The following ADAMTS10 variants were observed in gnomAD, a reference collection of about 807,000 sequenced individuals.
ADAMTS10 encodes A disintegrin and metalloproteinase with thrombospondin motifs 10.
Under a neutral mutation model 135.9 loss-of-function variants are expected in ADAMTS10, and 48 were observed. The ratio of observed to expected loss-of-function variants is 0.35; its 90% confidence interval spans 0.28 to 0.45. The LOEUF (loss-of-function observed/expected upper bound fraction) is 0.45. Among genes scored for constraint, ADAMTS10 ranks in the 20% least tolerant of loss-of-function variants. The pLI, the probability that ADAMTS10 is intolerant of heterozygous loss-of-function variation, is 1.00. For synonymous variants in ADAMTS10, 621 were observed against 647.5 expected, an observed-to-expected ratio of 0.96 and a Z score of 0.62; for missense variants, 1,131 against 1,565.2, an observed-to-expected ratio of 0.72 and a Z score of 4.68.
chr19:8,608,689 G>C (rs1213082085), intron 1 of ADAMTS10, among the ~76,000 whole-genome samples: 4 of 151,934 alleles, frequency 2.6e-5, no homozygotes, highest in Non-Finnish European at 4.4e-5. Flanking sequence ...CTCTGGTCTT[G>C]TCTAGAGTGT....
chr19:8,600,487 TTTTC>T (rs1282836187), intron 6 of ADAMTS10, among the ~76,000 whole-genome samples: 12 of 144,360 alleles, frequency 8.3e-5, no homozygotes, highest in South Asian at 2.2e-4. Context: ...CTGTCTTTTC[TTTTC>T]TTTCTTTTCT....
Position 8,603,789 on chromosome 19 carries a change from A to T in ADAMTS10, c.531T>A (p.His177Gln). The change falls in exon 5 of 26, where the codon CAT becomes CAA. Residue 177 changes from histidine to glutamine, a missense_variant. This residue lies in a region of ADAMTS10 where 306 missense variants were observed against 344.4 expected (regional missense o/e 0.89). Transcript: ENST00000597188. Reference sequence around the variant, plus strand: ...GCAGAGAGGAACGCTTGTACACCACATGTGGTCCACTTTCCTCCGGGCTCC... The same window carrying T: ...GCAGAGAGGAACGCTTGTACACCACTTGTGGTCCACTTTCCTCCGGGCTCC... Reference protein sequence around the residue: ...GSRSPEESGPHVVYKRSSLRH... With the variant: ...GSRSPEESGPQVVYKRSSLRH... The T allele has an allele frequency of 6.2e-7, 1 of 1,614,040 alleles. No homozygotes were observed. Among genetic ancestry groups the T allele is most frequent in the Non-Finnish European group, 8.5e-7 (1 of 1,179,992 alleles).
Position 8,605,702 on chromosome 19 carries a change from G to A in ADAMTS10, c.9C>T (p.Pro3=), listed in dbSNP as rs533319131. 91 of 1,608,924 alleles carry A rather than the reference G, an allele frequency of 5.7e-5. No homozygotes were observed. Among genetic ancestry groups the A allele is most frequent in the Admixed American group, 3.0e-4 (18 of 59,644 alleles). ...GGGCCCAGCGGAGGATCTGGCAGGC[G>A]GGAGCCATAGAGGCCACGTGTCCAC... MA[P]ACQILRWALA... Residue 3 remains proline, a synonymous_variant, in exon 3 of 26, where the codon CCC becomes CCT. Transcript: ENST00000597188. This position sits in a 1 kb window ranked among gnomAD's most constrained non-coding sequence, Gnocchi z 7.7.
At position 8,605,022 on chromosome 19, in the gene ADAMTS10, C is replaced by T. The variant is rs1555742203; in HGVS notation, c.425G>A (p.Cys142Tyr). 2 of 1,605,870 alleles carry T rather than the reference C, an allele frequency of 1.2e-6. No homozygotes were observed. Among genetic ancestry groups the T allele is most frequent in the South Asian group, 1.1e-5 (1 of 89,970 alleles). Residue 142 changes from cysteine to tyrosine, a missense_variant, in exon 4 of 26, where the codon TGT becomes TAT. Coordinates refer to ENST00000597188, the MANE Select transcript of ADAMTS10 (RefSeq NM_030957.4). The surrounding 1 kb of genome is among the most constrained non-coding windows in gnomAD (Gnocchi z 7.7). ...ASSSHVAIST[C>Y]GGLHGLIVAD... Reference sequence around the variant, plus strand: ...GAATCCTCAGCTCACCAGGCCTCCACAGGTGCTGATGGCCACATGGGAGCT... The same window carrying T: ...GAATCCTCAGCTCACCAGGCCTCCATAGGTGCTGATGGCCACATGGGAGCT...
At chr19:8,592,962 C>T in intron 12 of ADAMTS10, 92 bp from the exon 13 acceptor site, 1 of 1,198,604 alleles carries the variant, frequency 8.3e-7, no homozygotes, top group Non-Finnish European at 1.2e-6. Flanking sequence ...GTCCGGCTCA[C>T]TGCCGGTCCC....
rs1555737379 is a variant in ADAMTS10 at position 8,586,805 on chromosome 19, C to T, written c.2239+11G>A. 2 of 1,614,128 alleles carry T rather than the reference C, an allele frequency of 1.2e-6. No individual in the cohort carries two copies. Among genetic ancestry groups the T allele is most frequent in the South Asian group, 1.1e-5 (1 of 91,074 alleles). On this transcript the variant is annotated intron_variant, in intron 19 of 25. Transcript: ENST00000597188. ...CCCCTAATCCTCATCCCCTCCCCAC[C>T]ATCTGCTCACCCAAGTGACTGAGAG...
intron 16 of ADAMTS10, 44 bp downstream of exon 16, chr19:8,589,845 G>GGCTGCCCTTCACGGCCCCACA: frequency 6.3e-7 from 1 of 1,576,456 alleles, no homozygotes; most frequent in Non-Finnish European, 8.7e-7. Context: ...ACACTCCCAC[G>GGCTGCCCTTCACGGCCCCACA]GCTGCCCTTC....
At chr19:8,602,113 C>T (rs1157522768) in intron 5 of ADAMTS10, among the ~76,000 whole-genome samples, 1 of 152,146 alleles carries the variant, frequency 6.6e-6, no homozygotes, top group African/African-American at 2.4e-5. Context: ...GTTCTAACTG[C>T]ATTGCAGTTA....
At position 8,589,498 on chromosome 19, in the gene ADAMTS10, G is replaced by T; in HGVS notation, c.1988C>A (p.Pro663His). The change falls in exon 17 of 26, where the codon CCC becomes CAC. Residue 663 changes from proline to histidine, a missense_variant. Physicochemically the swap from Pro to His is moderately conservative, Grantham distance 77 (BLOSUM62 -2). Transcript: ENST00000597188. ...ERAAAVVDGT[P>H]CRPDTVDICV... ...AATGTCCACCGTGTCTGGACGGCAG[G>T]GTGTCCCGTCCACCACGGCTGCCGC... 1 of 1,613,748 alleles carries T rather than the reference G, an allele frequency of 6.2e-7. No homozygotes were observed.
Position 8,605,400 on chromosome 19 carries a change from A to G in ADAMTS10, c.89-42T>C. ...GAGGCCTGGGGTGGGCCCTGGTCTT[A>G]TTGGACCCCTGTGTCCTGGCTGTTA... On this transcript the variant is annotated intron_variant, in intron 3 of 25. Coordinates refer to ENST00000597188, the MANE Select transcript of ADAMTS10 (RefSeq NM_030957.4). This position sits in a 1 kb window ranked among gnomAD's most constrained non-coding sequence, Gnocchi z 7.7. The G allele has an allele frequency of 6.5e-7, 1 of 1,544,062 alleles. No homozygotes were observed. The highest frequency in any genetic ancestry group is 8.8e-7 in the Non-Finnish European group (1 of 1,138,352).
intron 12 of ADAMTS10, chr19:8,593,283 G>C (rs1326862454): frequency 4.4e-6 from 1 of 229,090 alleles, no homozygotes; most frequent in Admixed American, 5.1e-5. Flanking sequence ...GGAAACGTGG[G>C]AACTGCTGAG....
chr19:8,591,683 G>A (rs1253005194), intron 15 of ADAMTS10, 117 bp downstream of exon 15: 55 of 1,218,910 alleles, frequency 4.5e-5, no homozygotes, highest in Non-Finnish European at 6.0e-5. Context: ...CTCGTGATCC[G>A]CCTGCCTTGG....
At position 8,586,266 on chromosome 19, in the gene ADAMTS10, G is replaced by A. The variant is rs782361251; in HGVS notation, c.2531-15C>T. On this transcript the variant is annotated splice_polypyrimidine_tract_variant and intron_variant, in intron 21 of 25. Transcript: ENST00000597188. ...CACCTGGCTACCTGGAGGGGAGGGT[G>A]AGAGGCCTGCTCAGCCCCTCCCGGC... 6 of 1,613,152 alleles carry A rather than the reference G, an allele frequency of 3.7e-6. No individual in the cohort carries two copies. In the Admixed American group the frequency reaches 1.0e-4, roughly 27 times the overall value.
At chr19:8,593,498 G>A (rs2042568328) in intron 12 of ADAMTS10, 1 of 154,740 alleles carries the variant, frequency 6.5e-6, no homozygotes, top group African/African-American at 2.4e-5. Context: ...GTGGGAGTTT[G>A]GGAGGGGACA....
chr19:8,591,711 A>C (rs1555738923), intron 15 of ADAMTS10, 89 bp downstream of exon 15: 1 of 1,508,780 alleles, frequency 6.6e-7, no homozygotes, highest in Non-Finnish European at 9.1e-7. Context: ...AAGTGTTGGG[A>C]TTACAGGCGT....
At chr19:8,610,422 GACACAC>G (rs111492620) in intron 1 of ADAMTS10, among the ~76,000 whole-genome samples, 1 of 145,620 alleles carries the variant, frequency 6.9e-6, no homozygotes, top group African/African-American at 2.6e-5. Context: ...TACGTGGACG[GACACAC>G]ACACACACAC....
Position 8,580,718 on chromosome 19 carries a change from C to G in ADAMTS10, c.*175G>C. The stretch of plus-strand genomic sequence containing the variant: ...TGAAGAGGGGCTCTGGGGGGATAGC[C>G]AGCCCCTCTCCATCCCCCCAGCCAG... On this transcript the variant is annotated 3_prime_UTR_variant, in exon 26 of 26. Transcript: ENST00000597188. 1 of 601,316 alleles carries G rather than the reference C, an allele frequency of 1.7e-6. No homozygotes were observed. Among genetic ancestry groups the G allele is most frequent in the Non-Finnish European group, 3.0e-6 (1 of 338,196 alleles). The allele number at this position is 601,316 out of a possible 1,614,324, so 37.2% of individuals were successfully genotyped here.
In ADAMTS10 at chr19:8,600,960, C is replaced by T. The variant is rs756947226; in HGVS notation, c.778G>A (p.Val260Met). Residue 260 changes from valine to methionine, a missense_variant, in exon 6 of 26, where the codon GTG (valine) becomes ATG (methionine). Coordinates refer to ENST00000597188, the MANE Select transcript of ADAMTS10 (RefSeq NM_030957.4). Reference sequence around the variant, plus strand: ...ATGATGGCCAGGACATACTGCTCCACATCCCGGCGCCCGTGATAGGCCACC... The same window carrying T: ...ATGATGGCCAGGACATACTGCTCCATATCCCGGCGCCCGTGATAGGCCACC... Reference protein sequence around the residue: ...MMVAYHGRRDVEQYVLAIMNI... With the variant: ...MMVAYHGRRDMEQYVLAIMNI... The T allele has an allele frequency of 6.8e-6, 11 of 1,614,054 alleles. No homozygotes were observed. Among genetic ancestry groups the T allele is most frequent in the Non-Finnish European group, 9.3e-6 (11 of 1,180,048 alleles).
chr19:8,594,584 G>C (rs1361547862), intron 12 of ADAMTS10, among the ~76,000 whole-genome samples: 1 of 152,076 alleles, frequency 6.6e-6, no homozygotes, highest in Admixed American at 6.6e-5. Flanking sequence ...AAAATTTAGA[G>C]AGTCATGAGA....
Sources: gnomAD v4.1 joint callset for allele counts (sites outside exome capture counted in the v4.1 genomes callset) on GRCh38, gnomAD v4.1.1 for gene constraint, gnomAD v4.1.1 regional missense constraint, Gnocchi (gnomAD v3.1) non-coding constraint, MANE v1.5 for transcripts, NCBI Gene and HGNC (gene_info 2026-07-23, HGNC 2026-07-21) for gene names.